The following ZNF385D variants were observed in gnomAD, a reference collection of about 807,000 sequenced individuals.
The protein encoded by ZNF385D is zinc finger protein 385D.
Under a neutral mutation model 35.8 loss-of-function variants are expected in ZNF385D, and 15 were observed. The ratio of observed to expected loss-of-function variants is 0.42; its 90% CI spans 0.28 to 0.64. The LOEUF (loss-of-function observed/expected upper bound fraction) is 0.64. Ranked by LOEUF, ZNF385D falls within the 30% of genes least tolerant of loss-of-function variation. ZNF385D has a pLI of 0.23. For synonymous variants in ZNF385D, 212 were observed against 186.8 expected (o/e 1.13, Z -1.10); for missense variants, 474 against 494.6 (o/e 0.96, Z 0.39).
At chr3:22,099,729 G>A (rs572052399) in intron 3 of ZNF385D, among the ~76,000 whole-genome samples, 18 of 152,098 alleles carry the variant, frequency 1.2e-4, no homozygotes, top group Admixed American at 2.0e-4. Flanking sequence ...AGGATGGAGC[G>A]TAAGGAGAGC....
intron 2 of ZNF385D, among the ~76,000 whole-genome samples, chr3:22,175,475 G>A (rs1002058764): frequency 2.0e-5 from 3 of 151,844 alleles, no homozygotes; most frequent in East Asian, 1.9e-4. Context: ...AAAGCTATTA[G>A]GTGATTTGAA....
intron 3 of ZNF385D, among the ~76,000 whole-genome samples, chr3:21,964,537 T>C (rs1702794203): frequency 7.9e-6 from 1 of 127,208 alleles, no homozygotes; most frequent in Non-Finnish European, 1.6e-5. Flanking sequence ...TCGCCCAGGC[T>C]GGTGTGCAGT....
intron 2 of ZNF385D, among the ~76,000 whole-genome samples, chr3:22,191,589 T>C (rs1428397539): frequency 6.6e-6 from 1 of 152,138 alleles, no homozygotes; most frequent in African/African-American, 2.4e-5. Flanking sequence ...GTAGAATATG[T>C]ATGATAAAAT....
rs191180317 is a variant in ZNF385D at position 21,797,221 on chromosome 3, G to A, written c.326-132193C>T. Among the ~76,000 whole-genome samples, 30 of 152,210 alleles carry A rather than the reference G, an allele frequency of 2.0e-4. 1 individual carries two copies. Among genetic ancestry groups the A allele is most frequent in the African/African-American group, 7.2e-4 (30 of 41,550 alleles). ...AAGAATACATACAAATGACAAATAA[G>A]CCAATGAAAAGATTCTTCACATTAT... On this transcript the variant is annotated intron_variant, in intron 3 of 5. Coordinates refer to the ZNF385D transcript ENST00000494108.
At chr3:21,496,473 T>TGC (rs201044674) in intron 4 of ZNF385D, among the ~76,000 whole-genome samples, 2 of 96,958 alleles carry the variant, frequency 2.1e-5, no homozygotes, top group African/African-American at 4.4e-5. Flanking sequence ...ATCATATATA[T>TGC]ACATATATAC....
chr3:21,711,387 T>C (rs73046212), intron 1 of ZNF385D, among the ~76,000 whole-genome samples: 6,568 of 152,238 alleles, frequency 0.043, 228 homozygotes, highest in East Asian at 0.15. Flanking sequence ...TTCCCCTAAA[T>C]TGATTTCAAA....
upstream of ZNF385D, among the ~76,000 whole-genome samples, chr3:21,755,376 C>T (rs1468217386): frequency 2.0e-5 from 3 of 152,150 alleles, no homozygotes; most frequent in Non-Finnish European, 4.4e-5. Context: ...TTAAGGTTTT[C>T]GACAACCAAG....
intron 1 of ZNF385D, among the ~76,000 whole-genome samples, chr3:21,672,874 C>T (rs2066618238): frequency 6.6e-6 from 1 of 152,076 alleles, no homozygotes; most frequent in African/African-American, 2.4e-5. Context: ...ATTTAACTAA[C>T]TTTGATGACA....
intron 2 of ZNF385D, among the ~76,000 whole-genome samples, chr3:22,360,348 T>A (rs1696356345): frequency 6.6e-6 from 1 of 151,842 alleles, no homozygotes. Context: ...CCAAACTGCT[T>A]CAGTTTGTAT....
At chr3:22,237,204 T>C (rs1239315282) in intron 2 of ZNF385D, among the ~76,000 whole-genome samples, 2 of 151,602 alleles carry the variant, frequency 1.3e-5, no homozygotes, top group Non-Finnish European at 2.9e-5. Flanking sequence ...CCTTTTTTTT[T>C]TATTACAGCC....
intron 3 of ZNF385D, among the ~76,000 whole-genome samples, chr3:22,081,888 T>C (rs576422874): frequency 6.6e-6 from 1 of 152,250 alleles, no homozygotes; most frequent in Admixed American, 6.5e-5. Context: ...AGTATATAAA[T>C]GATCTTAGCT....
At chr3:22,077,061 C>T (rs192689347) in intron 3 of ZNF385D, among the ~76,000 whole-genome samples, 1 of 151,836 alleles carries the variant, frequency 6.6e-6, no homozygotes, top group East Asian at 1.9e-4. Context: ...TAGCACAAGA[C>T]CTTAATACCC....
rs78354687 is a variant in ZNF385D, at chr3:22,225,643, G to C, written c.107-56608C>G. 6.6e-3 allele frequency among the ~76,000 whole-genome samples: 1,007 copies of C among 152,168 alleles called. 12 individuals carry two copies. The highest frequency in any genetic ancestry group is 0.023 in the African/African-American group (947 of 41,532). On this transcript the variant is annotated intron_variant, in intron 2 of 5. Transcript: ENST00000494108. Reference sequence around the variant, plus strand: ...AGCTGCATTATAACACATCCTAAAGGCTGTCTTTCCTTCCCTGTCTCACTT... The same window carrying C: ...AGCTGCATTATAACACATCCTAAAGCCTGTCTTTCCTTCCCTGTCTCACTT...
At position 21,648,830 on chromosome 3, in the gene ZNF385D, G is replaced by A. The variant is rs556752323; in HGVS notation, c.165+16056C>T. On this transcript the variant is annotated intron_variant, in intron 2 of 7. Coordinates refer to ENST00000281523, the MANE Select transcript of ZNF385D (RefSeq NM_024697.3). ...AGGTGTGTTCCAACAAAAAAGATAC[G>A]GAGTGATATTTCATTTAGTCCACAT... is the stretch of plus-strand genomic sequence containing the variant. 5.3e-5 allele frequency among the ~76,000 whole-genome samples: 8 copies of A among 152,104 alleles called. 1 individual carries two copies. The South Asian group carries it at 6.2e-4, about 12-fold the overall frequency.
At chr3:22,128,820 C>T (rs114329490) in intron 3 of ZNF385D, among the ~76,000 whole-genome samples, 2 of 152,140 alleles carry the variant, frequency 1.3e-5, no homozygotes, top group African/African-American at 4.8e-5. Flanking sequence ...TTGGATATCA[C>T]TGAGCTTCCT....
chr3:21,730,452 T>C (rs1338118887), intron 1 of ZNF385D, among the ~76,000 whole-genome samples: 2 of 151,800 alleles, frequency 1.3e-5, no homozygotes, highest in Admixed American at 1.3e-4. Context: ...TCCAAACAAC[T>C]GAAAAAAAAT....
intron 2 of ZNF385D, among the ~76,000 whole-genome samples, chr3:22,308,595 T>G (rs534173942): frequency 2.0e-5 from 3 of 151,824 alleles, no homozygotes; most frequent in Non-Finnish European, 4.4e-5. Context: ...TCAGAAAGGG[T>G]AGACACACTG....
intron 2 of ZNF385D, among the ~76,000 whole-genome samples, chr3:22,203,494 T>A (rs1258655337): frequency 6.6e-6 from 1 of 152,084 alleles, no homozygotes; most frequent in Non-Finnish European, 1.5e-5. Flanking sequence ...AAAAGGAACT[T>A]TGTCTTATAG....
chr3:21,475,728 A>G (rs1455631608), intron 4 of ZNF385D, among the ~76,000 whole-genome samples: 1 of 152,152 alleles, frequency 6.6e-6, no homozygotes, highest in Non-Finnish European at 1.5e-5. Flanking sequence ...CTCCCAAGAA[A>G]ATAACTGATG....
Sources: allele counts gnomAD v4.1 joint callset (sites outside exome capture counted in the v4.1 genomes callset), GRCh38; gene constraint gnomAD v4.1.1; transcripts MANE v1.5; gene names NCBI Gene and HGNC (gene_info 2026-07-23, HGNC 2026-07-21).